Variants in DCLRE1A observed in about 807,000 individuals in gnomAD.
DCLRE1A encodes the protein DNA cross-link repair 1A protein.
A neutral mutation model predicts 91.9 loss-of-function variants in DCLRE1A; 64 were observed. The observed-to-expected ratio is 0.70, with a 90% CI of 0.57 to 0.86. The LOEUF (loss-of-function observed/expected upper bound fraction) is 0.86. Among genes scored for constraint, DCLRE1A ranks in the 40% least tolerant of loss-of-function variants. DCLRE1A has a pLI of 0.00. For missense variants in DCLRE1A, 1,145 were observed against 1,213.3 expected (o/e 0.94, Z 0.84); for synonymous variants, 416 against 431.1 (o/e 0.96, Z 0.43).
At chr10:113,848,016 TA>T (rs1249324416) in intron 2 of DCLRE1A, among the ~76,000 whole-genome samples, 1 of 152,200 alleles carries the variant, frequency 6.6e-6, no homozygotes, top group East Asian at 1.9e-4. Context: ...TAGGATCATT[TA>T]AAGTATAGAA....
chr10:113,847,157 T>C, intron 3 of DCLRE1A, 45 bp downstream of exon 3: 2 of 1,481,442 alleles, frequency 1.4e-6, no homozygotes, highest in Non-Finnish European at 1.8e-6. Flanking sequence ...TGCTTAGAAA[T>C]TCACAGCATT....
At chr10:113,850,783 T>G (rs1455813001) in intron 1 of DCLRE1A, 139 bp from the exon 2 acceptor site, 2 of 638,088 alleles carry the variant, frequency 3.1e-6, no homozygotes, top group African/African-American at 3.7e-5. Flanking sequence ...ATAAGATTAG[T>G]TATAATTGTT....
chr10:113,849,458 A>C lies in DCLRE1A; in HGVS notation c.1647T>G (p.Pro549=), dbSNP rs767613365. The C allele has an allele frequency of 8.7e-6, 14 of 1,614,014 alleles. No individual in the cohort carries two copies. The South Asian group carries it at 1.5e-4, about 18-fold the overall frequency. Residue 549 remains proline (P), a synonymous_variant, in exon 2 of 9, where the codon CCT becomes CCG. Transcript: ENST00000361384. ...CCATTTGCTTCATTACCTTGGTAGA[A>C]GGATGTCTTGCATTATACTTAAGAC... ...PSGLKYNARH[P]STKVMKQMDI... is the part of the protein sequence containing the mutation.
At chr10:113,851,497 A>C (rs1845649957) in intron 1 of DCLRE1A, among the ~76,000 whole-genome samples, 1 of 152,182 alleles carries the variant, frequency 6.6e-6, no homozygotes, top group Admixed American at 6.5e-5. Flanking sequence ...AAATATATAA[A>C]TCATCACAAC....
intron 7 of DCLRE1A, among the ~76,000 whole-genome samples, chr10:113,839,048 G>A (rs1011211707): frequency 2.0e-4 from 30 of 152,032 alleles, no homozygotes; most frequent in East Asian, 5.8e-4. Flanking sequence ...TTCCGAGGCC[G>A]GGCGTGGTGG....
At position 113,853,269 on chromosome 10, in the gene DCLRE1A, A is replaced by AT; in HGVS notation, c.-88dup. The stretch of plus-strand genomic sequence containing the variant: ...GTCACAAACAAAAAGTTATAGAATT[A>AT]TTTTGCTGAGAAAAAAAACAAAGGT... On this transcript the variant is annotated 5_prime_UTR_variant, in exon 1 of 9. Transcript: ENST00000361384. 3.1e-6 allele frequency: 4 copies of AT among 1,283,108 alleles called. No homozygotes were observed. The highest frequency in any genetic ancestry group is 1.6e-5 in the South Asian group (1 of 61,870). 79.5% of individuals were successfully genotyped at this position (1,283,108 alleles called of 1,614,324 possible). A position where few individuals can be genotyped will look rare whatever the true frequency, so the allele number is the denominator to read the frequency against.
At chr10:113,843,523 T>A (rs764294878) in intron 5 of DCLRE1A, among the ~76,000 whole-genome samples, 70 of 152,206 alleles carry the variant, frequency 4.6e-4, no homozygotes, top group Non-Finnish European at 8.5e-4. Context: ...AGATAATTTC[T>A]AACAAGTTGA....
In DCLRE1A at chr10:113,841,695, T is replaced by A. The variant is rs1321459652; in HGVS notation, c.2666-135A>T. ...ACATTCACACTTTTACCATGATATC[T>A]CAAAAAGGCTGAATCATTTTGTTAG... On this transcript the variant is annotated intron_variant, in intron 6 of 8. Transcript: ENST00000361384. 3.6e-6 allele frequency: 3 copies of A among 838,572 alleles called. No individual in the cohort carries two copies. The African/African-American group carries it at 5.2e-5, about 15-fold the overall frequency. The allele number at this position is 838,572 out of a possible 1,614,324, so 51.9% of individuals were successfully genotyped here.
At chr10:113,838,142 G>A (rs1593069789) in intron 7 of DCLRE1A, among the ~76,000 whole-genome samples, 1 of 152,206 alleles carries the variant, frequency 6.6e-6, no homozygotes, top group Non-Finnish European at 1.5e-5. Flanking sequence ...CCAAAAAAAA[G>A]TTAAAGTTAT....
At chr10:113,847,414 C>G in intron 2 of DCLRE1A, 79 bp from the exon 3 acceptor site, 2 of 1,484,732 alleles carry the variant, frequency 1.3e-6, no homozygotes, top group South Asian at 2.8e-5. Context: ...AATGAACCCT[C>G]TATCCTCTTT....
chr10:113,835,343 T>A, intron 8 of DCLRE1A, 31 bp from the exon 9 acceptor site: 1 of 1,538,748 alleles, frequency 6.5e-7, no homozygotes, highest in South Asian at 1.3e-5. Context: ...ATTTGTACAC[T>A]AAAATCAAAC....
Position 113,844,263 on chromosome 10 carries a change from G to C in DCLRE1A, c.2379-19C>G, listed in dbSNP as rs1845495185. The C allele has an allele frequency of 6.2e-7, 1 of 1,612,938 alleles. No homozygotes were observed. The highest frequency in any genetic ancestry group is 8.5e-7 in the Non-Finnish European group (1 of 1,179,608). On this transcript the variant is annotated intron_variant, in intron 4 of 8. Coordinates refer to ENST00000361384, the MANE Select transcript of DCLRE1A (RefSeq NM_014881.5). ...TGGACAGCTGAACACAAATGTCAAA[G>C]GAATGTTCATAACACAGGCAAGCAC...
At chr10:113,837,371 T>A (rs953933364) in intron 7 of DCLRE1A, among the ~76,000 whole-genome samples, 168 bp from the exon 8 acceptor site, 2 of 150,852 alleles carry the variant, frequency 1.3e-5, no homozygotes, top group African/African-American at 4.9e-5. Flanking sequence ...GAAAAAAAAA[T>A]ATATAAAATA....
intron 8 of DCLRE1A, among the ~76,000 whole-genome samples, chr10:113,836,554 C>G (rs992992193): frequency 6.6e-6 from 1 of 152,058 alleles, no homozygotes; most frequent in African/African-American, 2.4e-5. Context: ...GAAAAGGGTC[C>G]TATTTTCAGT....
At chr10:113,835,608 T>C (rs1317453027) in intron 8 of DCLRE1A, among the ~76,000 whole-genome samples, 1 of 152,132 alleles carries the variant, frequency 6.6e-6, no homozygotes, top group African/African-American at 2.4e-5. Flanking sequence ...GATTGGATCA[T>C]GGGGGCAGAT....
intron 7 of DCLRE1A, among the ~76,000 whole-genome samples, chr10:113,839,066 A>G (rs529490997): frequency 6.6e-6 from 1 of 152,080 alleles, no homozygotes; most frequent in Non-Finnish European, 1.5e-5. Context: ...TGGCTCACGC[A>G]TGTATTCCCA....
Position 113,844,657 on chromosome 10 carries a change from C to CA in DCLRE1A, c.2379-414dup, listed in dbSNP as rs565107055. ...TTGACTTTAAAAATCAGAACTCGGC[C>CA]AGGCATGGTGGCTCACGCCTGTAAT... On this transcript the variant is annotated intron_variant, in intron 4 of 8. Coordinates refer to ENST00000361384, the MANE Select transcript of DCLRE1A (RefSeq NM_014881.5). Among the ~76,000 whole-genome samples, 38 of 152,280 alleles carry CA rather than the reference C, an allele frequency of 2.5e-4. No homozygotes were observed. The South Asian group carries it at 7.5e-3, about 30-fold the overall frequency.
intron 8 of DCLRE1A, among the ~76,000 whole-genome samples, chr10:113,836,409 GC>G (rs1845363759): frequency 6.6e-6 from 1 of 151,974 alleles, no homozygotes; most frequent in East Asian, 1.9e-4. Context: ...AGAATAACAA[GC>G]AGGAGACTCT....
rs374704677 is a variant in DCLRE1A at position 113,844,200 on chromosome 10, G to A, written c.2423C>T (p.Thr808Ile). 6.2e-7 allele frequency: 1 copy of A among 1,614,136 alleles called. No individual in the cohort carries two copies. ...GAAGTCTCCCGTGTGTAATATGACA[G>A]TACCATTAGGAAGATAAAAGAGGAT... is the stretch of plus-strand genomic sequence containing the variant. Reference protein sequence around the residue: ...VMILFYLPNGTVILHTGDFRA... With the variant: ...VMILFYLPNGIVILHTGDFRA... The change falls in exon 5 of 9, where the codon ACT becomes ATT. Residue 808 changes from threonine to isoleucine, a missense_variant. Coordinates refer to ENST00000361384, the MANE Select transcript of DCLRE1A (RefSeq NM_014881.5).
Sources: gnomAD v4.1 joint callset for allele counts (sites outside exome capture counted in the v4.1 genomes callset) on GRCh38, gnomAD v4.1.1 for gene constraint, MANE v1.5 for transcripts, NCBI Gene and HGNC (gene_info 2026-07-23, HGNC 2026-07-21) for gene names.